LRP1B: variants seen among roughly 807,000 people sequenced by gnomAD.
LRP1B encodes the protein LDL receptor related protein 1B.
LRP1B carries 217 observed loss-of-function variants against 556.6 expected under a neutral mutation model. That is an observed-to-expected ratio of 0.39 (90% confidence interval 0.35 to 0.44). The LOEUF is 0.44. Among genes scored for constraint, LRP1B ranks in the 20% least tolerant of loss-of-function variants. LRP1B has a pLI of 1.00. For synonymous variants in LRP1B, 2,047 were observed against 1,865.8 expected, an observed-to-expected ratio of 1.10 and a Z score of -2.50; for missense variants, 5,053 against 5,620.8, an observed-to-expected ratio of 0.90 and a Z score of 3.23.
intron 2 of LRP1B, among the ~76,000 whole-genome samples, chr2:141,509,825 A>G (rs954606737): frequency 6.6e-6 from 1 of 152,200 alleles, no homozygotes; most frequent in Non-Finnish European, 1.5e-5. Flanking sequence ...TCCATAAGTA[A>G]CACAAATTTT....
chr2:141,771,426 G>A (rs998448728), intron 2 of LRP1B, among the ~76,000 whole-genome samples: 1 of 152,160 alleles, frequency 6.6e-6, no homozygotes, highest in African/African-American at 2.4e-5. Flanking sequence ...TCTGTTAACA[G>A]TCTTTTCCAG....
chr2:141,074,948 C>T (rs1699749694), intron 7 of LRP1B, among the ~76,000 whole-genome samples: 1 of 151,996 alleles, frequency 6.6e-6, no homozygotes, highest in South Asian at 2.1e-4. Flanking sequence ...TTGAGTATTC[C>T]TGTATCTAGC....
intron 2 of LRP1B, among the ~76,000 whole-genome samples, chr2:141,485,559 C>T (rs904534428): frequency 1.3e-5 from 2 of 152,080 alleles, no homozygotes; most frequent in African/African-American, 2.4e-5. Context: ...CTGCCTCAGA[C>T]AAAATTCTCT....
At chr2:140,545,141 T>G (rs997591662) in intron 43 of LRP1B, among the ~76,000 whole-genome samples, 1 of 150,312 alleles carries the variant, frequency 6.7e-6, no homozygotes, top group African/African-American at 2.4e-5. Flanking sequence ...TTTTATGAGT[T>G]TTTTTTTTTT....
At chr2:140,243,550 T>C (rs922621297) in intron 87 of LRP1B, among the ~76,000 whole-genome samples, 2 of 151,284 alleles carry the variant, frequency 1.3e-5, no homozygotes, top group African/African-American at 4.8e-5. Context: ...TATGTATAAA[T>C]GTAGAGTATA....
intron 18 of LRP1B, among the ~76,000 whole-genome samples, chr2:140,967,869 C>A (rs553617494): frequency 2.6e-5 from 4 of 151,996 alleles, no homozygotes; most frequent in South Asian, 2.1e-4. Flanking sequence ...GTTGAACAAG[C>A]CTTGCATCCC....
At position 141,852,913 on chromosome 2, in the gene LRP1B, A is replaced by G. The variant is rs187102218; in HGVS notation, c.83-42512T>C. 1.3e-4 allele frequency among the ~76,000 whole-genome samples: 20 copies of G among 151,804 alleles called. No individual in the cohort carries two copies. In the East Asian group the frequency reaches 3.1e-3, roughly 24 times the overall value. On this transcript the variant is annotated intron_variant, in intron 1 of 90. Transcript: ENST00000389484. ...TAGTTAAAAAAAAAAGAAATGAAAAAAACTTTGGAGGCCAGAATAAATTGT... is the reference window on the plus strand; with the variant it reads ...TAGTTAAAAAAAAAAGAAATGAAAAGAACTTTGGAGGCCAGAATAAATTGT...
At chr2:140,345,717 T>TATATATATACACATATATATAC (rs1225036518) in intron 77 of LRP1B, among the ~76,000 whole-genome samples, 66 of 145,222 alleles carry the variant, frequency 4.5e-4, no homozygotes, top group Non-Finnish European at 6.3e-4. Flanking sequence ...CTCATATATG[T>TATATATATACACATATATATAC]ATATATATAC....
intron 41 of LRP1B, among the ~76,000 whole-genome samples, chr2:140,625,239 G>A (rs1405598450): frequency 6.6e-6 from 1 of 152,190 alleles, no homozygotes; most frequent in Non-Finnish European, 1.5e-5. Flanking sequence ...GGAATCAATG[G>A]AGTTAGTGAT....
At chr2:141,823,354 G>GGCCA (rs1696816508) in intron 1 of LRP1B, among the ~76,000 whole-genome samples, 1 of 152,166 alleles carries the variant, frequency 6.6e-6, no homozygotes, top group South Asian at 2.1e-4. Flanking sequence ...AGAACATGAA[G>GGCCA]GCCAGCACAG....
At chr2:141,882,104 C>T (rs988850490) in intron 1 of LRP1B, among the ~76,000 whole-genome samples, 1 of 151,988 alleles carries the variant, frequency 6.6e-6, no homozygotes, top group African/African-American at 2.4e-5. Context: ...AAGTAATACA[C>T]CCTGCCCATC....
intron 1 of LRP1B, among the ~76,000 whole-genome samples, chr2:141,883,874 C>T (rs970974235): frequency 6.6e-6 from 1 of 152,096 alleles, no homozygotes; most frequent in African/African-American, 2.4e-5. Context: ...AATACCAGCA[C>T]CCATGAAGAA....
chr2:141,972,795 T>G (rs1426225867), intron 1 of LRP1B, among the ~76,000 whole-genome samples: 1 of 151,690 alleles, frequency 6.6e-6, no homozygotes, highest in East Asian at 1.9e-4. Flanking sequence ...TTTATAAAAT[T>G]TAGTTCTCAA....
At chr2:141,215,633 AC>A (rs1682769783) in intron 6 of LRP1B, among the ~76,000 whole-genome samples, 1 of 152,190 alleles carries the variant, frequency 6.6e-6, no homozygotes, top group South Asian at 2.1e-4. Flanking sequence ...CTTATTGGGA[AC>A]TGGAGCAAAG....
chr2:140,997,770 C>T lies in LRP1B; in HGVS notation c.2504-3635G>A, dbSNP rs564823680. Among the ~76,000 whole-genome samples, 6 of 151,948 alleles carry T rather than the reference C, an allele frequency of 3.9e-5. No homozygotes were observed. In the South Asian group the frequency reaches 1.2e-3, roughly 31 times the overall value. ...ATTTGAGCAGGGAGAGAGAAAAGAA[C>T]CAAAAAGAAAACATGAAGTTGTGGT... On this transcript the variant is annotated intron_variant, in intron 15 of 90. Transcript: ENST00000389484.
At chr2:141,499,396 A>G (rs139576230) in intron 2 of LRP1B, among the ~76,000 whole-genome samples, 3 of 152,192 alleles carry the variant, frequency 2.0e-5, no homozygotes, top group African/African-American at 7.2e-5. Flanking sequence ...GGTAATACCT[A>G]CGCCTCTTAC....
chr2:141,497,367 T>C lies in LRP1B; in HGVS notation c.206-16834A>G, dbSNP rs141166109. The stretch of plus-strand genomic sequence containing the variant: ...CTACCACTGCATGTACTAACCATGC[T>C]TTCTTCAATTTTTAATTATGTTGTT... On this transcript the variant is annotated intron_variant, in intron 2 of 90. Transcript: ENST00000389484. 8.8e-4 allele frequency among the ~76,000 whole-genome samples: 134 copies of C among 152,158 alleles called. No homozygotes were observed. In the Middle Eastern group the frequency reaches 0.01, roughly 12 times the overall value.
chr2:141,703,420 AAC>A (rs1226682283), intron 2 of LRP1B, among the ~76,000 whole-genome samples: 2 of 151,958 alleles, frequency 1.3e-5, no homozygotes, highest in Non-Finnish European at 2.9e-5. Context: ...ATGTATTAAT[AAC>A]ACAACGATTA....
intron 35 of LRP1B, among the ~76,000 whole-genome samples, chr2:140,761,602 A>C (rs576393386): frequency 6.6e-6 from 1 of 152,288 alleles, no homozygotes; most frequent in East Asian, 1.9e-4. Flanking sequence ...CCCTGTAGAA[A>C]GGCCCACATG....
Sources: allele counts gnomAD v4.1 joint callset (sites outside exome capture counted in the v4.1 genomes callset), GRCh38; gene constraint gnomAD v4.1.1; transcripts MANE v1.5; gene names NCBI Gene and HGNC (gene_info 2026-07-23, HGNC 2026-07-21).